PRIM2: variants seen among roughly 807,000 people sequenced by gnomAD.
PRIM2 encodes the protein DNA primase large subunit.
A neutral mutation model predicts 67.3 loss-of-function variants in PRIM2; 39 were observed. That is an observed-to-expected ratio of 0.58 (90% CI 0.45 to 0.76). The LOEUF is 0.76. PRIM2 is among the 30% of genes least tolerant of loss of function. PRIM2 has a pLI of 0.00. For synonymous variants in PRIM2, 143 were observed against 198.7 expected, an observed-to-expected ratio of 0.72 and a Z score of 2.36; for missense variants, 398 against 598.7, an observed-to-expected ratio of 0.66 and a Z score of 3.50.
At chr6:57,258,775 G>T in the PRIM2 span, among the ~76,000 whole-genome samples, 1 of 152,104 alleles carries the variant, frequency 6.6e-6, no homozygotes, top group Non-Finnish European at 1.5e-5. Context: ...GAACTCAGAA[G>T]GCTGATACTC....
intron 7 of PRIM2, among the ~76,000 whole-genome samples, chr6:57,395,869 G>T (rs1195890773): frequency 6.6e-6 from 1 of 151,962 alleles, no homozygotes; most frequent in African/African-American, 2.4e-5. Flanking sequence ...TGTCATTATT[G>T]TTATTCAGTT....
chr6:57,594,804 C>G (rs1776337607), intron 10 of PRIM2, among the ~76,000 whole-genome samples: 1 of 152,054 alleles, frequency 6.6e-6, no homozygotes, highest in Non-Finnish European at 1.5e-5. Flanking sequence ...TGGACTTCAT[C>G]AAAAATAAAA....
At chr6:57,499,292 G>A (rs1774076414) in intron 7 of PRIM2, among the ~76,000 whole-genome samples, 2 of 152,252 alleles carry the variant, frequency 1.3e-5, no homozygotes, top group African/African-American at 4.8e-5. Flanking sequence ...ATTTCAATAT[G>A]TACTGTTTCC....
At chr6:57,491,151 A>G (rs1773879764) in intron 7 of PRIM2, among the ~76,000 whole-genome samples, 1 of 152,218 alleles carries the variant, frequency 6.6e-6, no homozygotes, top group Non-Finnish European at 1.5e-5. Context: ...TAGTGTAGTG[A>G]AATTTAGGAA....
chr6:57,291,518 A>C, the PRIM2 span, among the ~76,000 whole-genome samples: 2 of 152,194 alleles, frequency 1.3e-5, no homozygotes, highest in Non-Finnish European at 2.9e-5. Context: ...TCATCCTGAT[A>C]CCAAAGCCTC....
intron 8 of PRIM2, among the ~76,000 whole-genome samples, chr6:57,520,745 A>C (rs1445116124): frequency 6.6e-6 from 1 of 152,198 alleles, no homozygotes; most frequent in African/African-American, 2.4e-5. Flanking sequence ...TAGAAAAATG[A>C]GATGCAACTT....
chr6:57,422,231 T>G (rs1771491226), intron 7 of PRIM2, among the ~76,000 whole-genome samples: 1 of 142,674 alleles, frequency 7.0e-6, no homozygotes, highest in Non-Finnish European at 1.5e-5. Flanking sequence ...CTCGGCTCAC[T>G]GCAACCTCTG....
At chr6:57,502,335 T>G (rs1554346943) in intron 7 of PRIM2, among the ~76,000 whole-genome samples, 10,580 of 152,146 alleles carry the variant, frequency 0.07, 524 homozygotes, top group East Asian at 0.2. Context: ...ACCCTTCCCT[T>G]TGCAGTTTCC....
rs574339152 is a variant in PRIM2 at position 57,411,749 on chromosome 6, A to T, written c.693+29581A>T. Among the ~76,000 whole-genome samples, 4 of 152,268 alleles carry T rather than the reference A, an allele frequency of 2.6e-5. No homozygotes were observed. The South Asian group carries it at 8.3e-4, about 32-fold the overall frequency. On this transcript the variant is annotated intron_variant, in intron 7 of 13. Coordinates refer to ENST00000615550, the MANE Select transcript of PRIM2 (RefSeq NM_000947.5). The stretch of plus-strand genomic sequence containing the variant: ...TTACTGAATTTTTGCTTTACTGCCA[A>T]TGAGGGATGTTGATCTAGACTTTTC...
chr6:57,439,980 T>C (rs1772150406), intron 7 of PRIM2, among the ~76,000 whole-genome samples: 1 of 152,070 alleles, frequency 6.6e-6, no homozygotes, highest in Non-Finnish European at 1.5e-5. Context: ...TGTATATGCA[T>C]ATAAATAAAT....
At chr6:57,603,125 T>C (rs1776499713) in intron 11 of PRIM2, among the ~76,000 whole-genome samples, 1 of 152,256 alleles carries the variant, frequency 6.6e-6, no homozygotes, top group East Asian at 1.9e-4. Flanking sequence ...TCTGTTCTTT[T>C]CTCTCTTTTT....
chr6:57,287,291 A>G, the PRIM2 span, among the ~76,000 whole-genome samples: 7,419 of 152,328 alleles, frequency 0.049, 228 homozygotes, highest in Non-Finnish European at 0.072. Context: ...TCATTCTACC[A>G]TAAAGACACA....
At chr6:57,475,635 T>C (rs1192204983) in intron 7 of PRIM2, among the ~76,000 whole-genome samples, 1 of 152,198 alleles carries the variant, frequency 6.6e-6, no homozygotes, top group Admixed American at 6.5e-5. Context: ...CCAGCATTGT[T>C]TTGACTGCCA....
chr6:57,456,981 T>C (rs1772812400), intron 7 of PRIM2, among the ~76,000 whole-genome samples: 1 of 152,206 alleles, frequency 6.6e-6, no homozygotes, highest in Non-Finnish European at 1.5e-5. Flanking sequence ...GGATGTTCTT[T>C]CTGTTTGTTA....
chr6:57,335,519 A>G (rs1768205504), intron 5 of PRIM2, among the ~76,000 whole-genome samples: 1 of 152,218 alleles, frequency 6.6e-6, no homozygotes. Flanking sequence ...AGATCTGAGA[A>G]TGGGCAGACT....
chr6:57,407,308 T>G (rs1430741180), intron 7 of PRIM2, among the ~76,000 whole-genome samples: 1 of 151,722 alleles, frequency 6.6e-6, no homozygotes, highest in Non-Finnish European at 1.5e-5. Context: ...GTAAGTATAT[T>G]TTCATTAATC....
intron 5 of PRIM2, among the ~76,000 whole-genome samples, chr6:57,343,370 C>G: frequency 6.6e-6 from 1 of 152,192 alleles, no homozygotes; most frequent in Non-Finnish European, 1.5e-5. Flanking sequence ...TATACCTACC[C>G]TCTTGGGTCT....
At chr6:57,268,807 C>T in the PRIM2 span, among the ~76,000 whole-genome samples, 2 of 130,658 alleles carry the variant, frequency 1.5e-5, no homozygotes, top group Non-Finnish European at 3.2e-5. Context: ...CAACAGTCCC[C>T]AGAGTGTGAT....
At chr6:57,400,454 A>C (rs907676937) in intron 7 of PRIM2, among the ~76,000 whole-genome samples, 27 of 152,156 alleles carry the variant, frequency 1.8e-4, no homozygotes, top group African/African-American at 6.5e-4. Flanking sequence ...GTAAAGTTTC[A>C]GCTGAGTGAT....
Sources: gnomAD v4.1 joint callset for allele counts (sites outside exome capture counted in the v4.1 genomes callset) on GRCh38, gnomAD v4.1.1 for gene constraint, MANE v1.5 for transcripts, NCBI Gene and HGNC (gene_info 2026-07-23, HGNC 2026-07-21) for gene names.